The following NRXN3 variants were observed in gnomAD, a reference collection of about 807,000 sequenced individuals.
The protein encoded by NRXN3 is neurexin 3, also known as neurexin III.
In NRXN3, 32 loss-of-function variants were observed where a neutral mutation model predicts 137.6. The observed-to-expected ratio is 0.23, with a 90% CI of 0.18 to 0.31. The LOEUF (loss-of-function observed/expected upper bound fraction) is 0.31. NRXN3 is among the 10% of genes least tolerant of loss of function. The pLI is 1.00. For missense variants in NRXN3, 1,574 were observed against 2,062.5 expected (o/e 0.76, Z 4.59); for synonymous variants, 798 against 784.5 (o/e 1.02, Z -0.29).
intron 4 of NRXN3, among the ~76,000 whole-genome samples, chr14:78,380,336 T>G (rs2088842449): frequency 6.8e-6 from 1 of 147,322 alleles, no homozygotes; most frequent in Non-Finnish European, 1.5e-5. Flanking sequence ...AAAGATGTGT[T>G]TACATCTTAA....
At chr14:78,736,990 T>C (rs2098543863) in intron 8 of NRXN3, among the ~76,000 whole-genome samples, 1 of 152,170 alleles carries the variant, frequency 6.6e-6, no homozygotes, top group Non-Finnish European at 1.5e-5. Context: ...GTTAAGTTAA[T>C]TTGCTTTTTG....
intron 15 of NRXN3, among the ~76,000 whole-genome samples, chr14:79,374,773 A>G (rs2094211284): frequency 6.6e-6 from 1 of 152,164 alleles, no homozygotes; most frequent in African/African-American, 2.4e-5. Context: ...GTACTGATTT[A>G]TAATTTTACC....
At chr14:79,721,832 G>A (rs895931013) in intron 19 of NRXN3, among the ~76,000 whole-genome samples, 4 of 152,086 alleles carry the variant, frequency 2.6e-5, no homozygotes, top group African/African-American at 9.7e-5. Context: ...AAAGCAAGAG[G>A]TAGGGTGTGG....
At chr14:78,975,668 G>A (rs2099462629) in intron 14 of NRXN3, among the ~76,000 whole-genome samples, 2 of 152,180 alleles carry the variant, frequency 1.3e-5, no homozygotes, top group African/African-American at 2.4e-5. Context: ...AGAGGGAAGA[G>A]ACATGCCCCC....
At chr14:79,631,646 G>A (rs79989663) in intron 16 of NRXN3, among the ~76,000 whole-genome samples, 15,387 of 152,194 alleles carry the variant, frequency 0.1, 889 homozygotes, top group Middle Eastern at 0.24. Flanking sequence ...AGGTGAAGCC[G>A]GCTGGGCTTT....
rs148609714 is a variant in NRXN3, at chr14:78,384,678, A to C, written c.757+86818A>C. ...CCTTCCTATTCTGCCCCCTCCCCAG[A>C]TTCCCTTGCCTTTGCTACTGGCTTT... On this transcript the variant is annotated intron_variant, in intron 4 of 20. Transcript: ENST00000335750. Among the ~76,000 whole-genome samples the C allele has an allele frequency of 6.5e-3, 985 of 152,224 alleles. 6 individuals are homozygous for C. Among genetic ancestry groups the C allele is most frequent in the African/African-American group, 0.022 (925 of 41,542 alleles).
intron 15 of NRXN3, among the ~76,000 whole-genome samples, chr14:79,251,822 T>C (rs1597837505): frequency 6.6e-6 from 1 of 152,028 alleles, no homozygotes; most frequent in East Asian, 1.9e-4. Context: ...TTTTGTTTCT[T>C]TTCTTTTCTT....
intron 15 of NRXN3, among the ~76,000 whole-genome samples, chr14:78,992,868 T>G (rs1195798548): frequency 1.3e-5 from 2 of 152,140 alleles, no homozygotes; most frequent in African/African-American, 4.8e-5. Flanking sequence ...TTAACACACA[T>G]CAAGTTCCTG....
chr14:79,384,447 C>G (rs1350079348), intron 15 of NRXN3, among the ~76,000 whole-genome samples: 5 of 152,016 alleles, frequency 3.3e-5, no homozygotes, highest in African/African-American at 1.2e-4. Flanking sequence ...TCTAAATGTG[C>G]CTTTGGCACT....
intron 10 of NRXN3, among the ~76,000 whole-genome samples, chr14:78,955,832 T>C (rs2099395904): frequency 1.3e-5 from 2 of 152,266 alleles, no homozygotes; most frequent in South Asian, 4.1e-4. Flanking sequence ...TACCTAGAGA[T>C]TTATATTCCC....
At chr14:79,822,829 A>C (rs1179647549) in intron 20 of NRXN3, among the ~76,000 whole-genome samples, 1 of 147,482 alleles carries the variant, frequency 6.8e-6, no homozygotes, top group Non-Finnish European at 1.5e-5. Context: ...ACAAACAAAC[A>C]AACAAAAAAA....
At chr14:79,166,890 A>T (rs1467997203) in intron 15 of NRXN3, among the ~76,000 whole-genome samples, 6 of 151,998 alleles carry the variant, frequency 3.9e-5, no homozygotes, top group Non-Finnish European at 7.4e-5. Context: ...TTATCTTTGT[A>T]AATAAAGTGC....
chr14:78,803,589 C>T (rs1427205830), intron 8 of NRXN3, 31 bp from the exon 9 acceptor site: 1 of 1,605,974 alleles, frequency 6.2e-7, no homozygotes, highest in East Asian at 2.2e-5. Context: ...CATCCGTCAT[C>T]CTAACGATCT....
intron 1 of NRXN3, among the ~76,000 whole-genome samples, chr14:78,222,101 C>T (rs1021052016): frequency 2.6e-5 from 4 of 152,140 alleles, no homozygotes; most frequent in Non-Finnish European, 4.4e-5. Flanking sequence ...CTGCTCCCAT[C>T]CTGAGATACA....
At chr14:78,476,468 A>G (rs1036540918) in intron 4 of NRXN3, among the ~76,000 whole-genome samples, 1 of 152,238 alleles carries the variant, frequency 6.6e-6, no homozygotes, top group South Asian at 2.1e-4. Context: ...AGATCTAGGA[A>G]TAGAAAGGCC....
chr14:79,272,320 A>G (rs2079478606), intron 15 of NRXN3, among the ~76,000 whole-genome samples: 1 of 148,516 alleles, frequency 6.7e-6, no homozygotes, highest in South Asian at 2.1e-4. Flanking sequence ...TGCCCATAGT[A>G]TGTATAAATT....
At chr14:79,695,703 C>T (rs1348929538) in intron 18 of NRXN3, among the ~76,000 whole-genome samples, 1 of 150,400 alleles carries the variant, frequency 6.6e-6, no homozygotes, top group Non-Finnish European at 1.5e-5. Flanking sequence ...CAGCATATTA[C>T]TTAGTATTAT....
At chr14:79,824,214 G>A (rs2099283157) in intron 20 of NRXN3, among the ~76,000 whole-genome samples, 1 of 152,140 alleles carries the variant, frequency 6.6e-6, no homozygotes, top group Admixed American at 6.5e-5. Context: ...TTCCTCTTCT[G>A]TCTCTCCCTC....
At chr14:79,653,304 A>G (rs1239476751) in intron 16 of NRXN3, among the ~76,000 whole-genome samples, 4 of 152,168 alleles carry the variant, frequency 2.6e-5, no homozygotes, top group Non-Finnish European at 4.4e-5. Flanking sequence ...ATTGGGCTGC[A>G]ATGCTATTCT....
Sources: gnomAD v4.1 joint callset for allele counts (sites outside exome capture counted in the v4.1 genomes callset) on GRCh38, gnomAD v4.1.1 for gene constraint, MANE v1.5 for transcripts, NCBI Gene and HGNC (gene_info 2026-07-23, HGNC 2026-07-21) for gene names.